CDH13: variants seen among roughly 807,000 people sequenced by gnomAD.
CDH13 encodes the protein cadherin-13.
CDH13 carries 24 observed loss-of-function variants against 63.8 expected under a neutral mutation model. That is an observed-to-expected ratio of 0.38 (90% CI 0.27 to 0.53). CDH13 has a LOEUF of 0.53. Among genes scored for constraint, CDH13 ranks in the 20% least tolerant of loss-of-function variants. The pLI is 0.85. For missense variants in CDH13, 1,049 were observed against 903.1 expected, an observed-to-expected ratio of 1.16 and a Z score of -2.07; for synonymous variants, 503 against 355.3, an observed-to-expected ratio of 1.42 and a Z score of -4.67.
chr16:83,511,983 T>C (rs991031322), intron 7 of CDH13, among the ~76,000 whole-genome samples: 1 of 152,100 alleles, frequency 6.6e-6, no homozygotes, highest in African/African-American at 2.4e-5. Context: ...TGGTTAGTCC[T>C]CAGTAAGTGT....
intron 11 of CDH13, among the ~76,000 whole-genome samples, chr16:83,755,145 A>G (rs1913400522): frequency 6.6e-6 from 1 of 152,210 alleles, no homozygotes; most frequent in African/African-American, 2.4e-5. Context: ...GAGATCTGAA[A>G]TCTTTAAGAA....
At chr16:82,853,870 C>T (rs1330580805) in intron 1 of CDH13, among the ~76,000 whole-genome samples, 1 of 152,084 alleles carries the variant, frequency 6.6e-6, no homozygotes, top group Admixed American at 6.5e-5. Flanking sequence ...AGAAAATTTA[C>T]AGAGGATTTG....
chr16:82,999,506 G>A (rs1482251452), intron 2 of CDH13, among the ~76,000 whole-genome samples: 2 of 151,722 alleles, frequency 1.3e-5, no homozygotes, highest in Non-Finnish European at 2.9e-5. Context: ...ACCAAGATAC[G>A]TGTTCAAGGC....
chr16:82,789,635 G>A (rs1261714736), intron 1 of CDH13, among the ~76,000 whole-genome samples: 1 of 152,198 alleles, frequency 6.6e-6, no homozygotes, highest in Non-Finnish European at 1.5e-5. Context: ...GTTTCTACAA[G>A]AGCAACCTAC....
Position 83,708,448 on chromosome 16 carries a change from C to G in CDH13, c.1538+29987C>G, listed in dbSNP as rs568030972. ...AACTGAAATTCCCCAACGCCCTTGGCTTACTCACCCCTCAGCATGCTTTGT... is the reference window on the plus strand; with the variant it reads ...AACTGAAATTCCCCAACGCCCTTGGGTTACTCACCCCTCAGCATGCTTTGT... On this transcript the variant is annotated intron_variant, in intron 10 of 13. Transcript: ENST00000567109. Among the ~76,000 whole-genome samples, 389 of 152,330 alleles carry G rather than the reference C, an allele frequency of 2.6e-3. 1 individual carries two copies. The highest frequency in any genetic ancestry group is 4.3e-3 in the Non-Finnish European group (290 of 68,028).
intron 5 of CDH13, among the ~76,000 whole-genome samples, chr16:83,242,001 C>A (rs1344267157): frequency 6.6e-6 from 1 of 152,048 alleles, no homozygotes; most frequent in African/African-American, 2.4e-5. Context: ...CCATTTTGAG[C>A]TGATTTTTGT....
chr16:82,911,034 A>C (rs1406169768), intron 2 of CDH13, among the ~76,000 whole-genome samples: 1 of 152,174 alleles, frequency 6.6e-6, no homozygotes, highest in Non-Finnish European at 1.5e-5. Flanking sequence ...GTACTGCCGC[A>C]GAGTAAGGCA....
rs1260918451 is a variant in CDH13, at chr16:83,242,907, A to G, written c.636+25410A>G. Among the ~76,000 whole-genome samples, 3 of 152,324 alleles carry G rather than the reference A, an allele frequency of 2.0e-5. No homozygotes were observed. In the South Asian group the frequency reaches 6.2e-4, roughly 32 times the overall value. On this transcript the variant is annotated intron_variant, in intron 5 of 13. Coordinates refer to ENST00000567109, the MANE Select transcript of CDH13 (RefSeq NM_001257.5). ...CTCAGAGGGGAGTATCATCAAGTAC[A>G]GCTAACATCTTTGAGCATATACCAT...
At chr16:82,627,723 C>T (rs893852675) in intron 1 of CDH13, among the ~76,000 whole-genome samples, 9 of 152,120 alleles carry the variant, frequency 5.9e-5, no homozygotes, top group Non-Finnish European at 1.2e-4. Context: ...GCTGCTGTCG[C>T]TCAAAGGCGC....
intron 1 of CDH13, among the ~76,000 whole-genome samples, chr16:82,761,030 T>TTTTTTTTTTTTTTTG (rs2034827232): frequency 8.7e-6 from 1 of 114,868 alleles, no homozygotes; most frequent in Non-Finnish European, 1.8e-5. Context: ...TTTTTTTTTT[T>TTTTTTTTTTTTTTTG]TTTTTTTTTT....
intron 7 of CDH13, among the ~76,000 whole-genome samples, chr16:83,530,020 G>A (rs1372574472): frequency 6.6e-6 from 1 of 152,116 alleles, no homozygotes; most frequent in African/African-American, 2.4e-5. Flanking sequence ...CAAGCAGAGG[G>A]TGCCTGATGC....
At chr16:83,723,528 C>T (rs1361251637) in intron 10 of CDH13, among the ~76,000 whole-genome samples, 1 of 152,182 alleles carries the variant, frequency 6.6e-6, no homozygotes, top group East Asian at 1.9e-4. Context: ...CTCCTTTTCA[C>T]TTCAGTCTCA....
chr16:82,930,539 A>T (rs6420443), intron 2 of CDH13, among the ~76,000 whole-genome samples: 1 of 151,924 alleles, frequency 6.6e-6, no homozygotes, highest in Non-Finnish European at 1.5e-5. Context: ...TATCTATTTT[A>T]TTTTTTTAGA....
chr16:83,673,691 T>C (rs980178538), intron 9 of CDH13, among the ~76,000 whole-genome samples: 20 of 152,240 alleles, frequency 1.3e-4, no homozygotes, highest in Non-Finnish European at 2.5e-4. Flanking sequence ...CTAGCATATA[T>C]AAGAATCATC....
intron 4 of CDH13, among the ~76,000 whole-genome samples, chr16:83,216,610 A>AAT (rs1174323571): frequency 6.9e-6 from 1 of 143,968 alleles, no homozygotes; most frequent in Non-Finnish European, 1.5e-5. Flanking sequence ...ATAGGGGTTT[A>AAT]ATATATATAA....
At chr16:83,074,069 A>G (rs1180708505) in intron 3 of CDH13, among the ~76,000 whole-genome samples, 2 of 152,108 alleles carry the variant, frequency 1.3e-5, no homozygotes, top group South Asian at 2.1e-4. Flanking sequence ...GTACTTTACT[A>G]TTAACATTAA....
At chr16:83,434,212 A>T (rs1225888490) in intron 6 of CDH13, among the ~76,000 whole-genome samples, 1 of 152,170 alleles carries the variant, frequency 6.6e-6, no homozygotes, top group Non-Finnish European at 1.5e-5. Context: ...ACTCTGCTCC[A>T]GTTTCAAGAT....
intron 4 of CDH13, among the ~76,000 whole-genome samples, chr16:83,200,099 T>C (rs80020709): frequency 6.6e-6 from 1 of 152,114 alleles, no homozygotes; most frequent in African/African-American, 2.4e-5. Flanking sequence ...GCTGATACGC[T>C]TGTTCAGGGC....
intron 7 of CDH13, among the ~76,000 whole-genome samples, chr16:83,504,222 G>T (rs1356083088): frequency 6.6e-6 from 1 of 152,164 alleles, no homozygotes; most frequent in Non-Finnish European, 1.5e-5. Flanking sequence ...TAATCCTCAG[G>T]TTGCTGCACC....
Sources: gnomAD v4.1 joint callset for allele counts (sites outside exome capture counted in the v4.1 genomes callset) on GRCh38, gnomAD v4.1.1 for gene constraint, MANE v1.5 for transcripts, NCBI Gene and HGNC (gene_info 2026-07-23, HGNC 2026-07-21) for gene names.